The following CIB1 variants were observed in gnomAD, a reference collection of about 807,000 sequenced individuals.
The protein encoded by CIB1 is calcium and integrin-binding protein 1.
In CIB1, 19 loss-of-function variants were observed where a neutral mutation model predicts 25.0. The observed-to-expected ratio is 0.76, with a 90% CI of 0.53 to 1.12. CIB1 has a LOEUF of 1.12. Among genes scored for constraint, CIB1 ranks in the 50% most tolerant of loss-of-function variants. The probability of loss-of-function intolerance (pLI) is 0.00; values close to 1 mark genes in which losing one functional copy is unlikely to be tolerated. For missense variants in CIB1, 236 were observed against 242.6 expected, an observed-to-expected ratio of 0.97 and a Z score of 0.18; for synonymous variants, 104 against 98.5, an observed-to-expected ratio of 1.06 and a Z score of -0.33.
the CIB1 span, chr15:90,256,127 C>T: frequency 6.2e-7 from 1 of 1,612,836 alleles, no homozygotes; most frequent in Non-Finnish European, 8.5e-7. Flanking sequence ...TGACCAGGCC[C>T]TCTCTGCACA....
the CIB1 span, chr15:90,255,672 C>T: frequency 1.9e-6 from 3 of 1,589,934 alleles, no homozygotes; most frequent in South Asian, 1.1e-5. Context: ...CCTTCCCAAT[C>T]CTCCTCCACT....
the CIB1 span, chr15:90,250,713 G>A: frequency 6.2e-7 from 1 of 1,614,100 alleles, no homozygotes; most frequent in Non-Finnish European, 8.5e-7. Flanking sequence ...GTTAAAGAGG[G>A]AGTTACCAAC....
the CIB1 span, chr15:90,253,327 C>T: frequency 6.2e-7 from 1 of 1,613,520 alleles, no homozygotes. Context: ...ACAGACTGCG[C>T]TGTCTCACTG....
the CIB1 span, chr15:90,257,573 T>C: frequency 5.4e-6 from 8 of 1,475,892 alleles, no homozygotes; most frequent in East Asian, 2.3e-5. Flanking sequence ...AACAAGGTAA[T>C]GAAGGGCTGG....
chr15:90,242,207 C>G, the CIB1 span: 35 of 636,124 alleles, frequency 5.5e-5, no homozygotes, highest in South Asian at 6.8e-4. Context: ...CCCACCTCAG[C>G]CTCTTGAGTA....
At chr15:90,241,635 C>A in the CIB1 span, 1 of 1,614,182 alleles carries the variant, frequency 6.2e-7, no homozygotes, top group Non-Finnish European at 8.5e-7. Flanking sequence ...CCCTGGAGGC[C>A]ATTTGCATCT....
At chr15:90,245,239 GGCTGAAGCAGGCA>G in the CIB1 span, 1 of 152,246 alleles carries the variant, frequency 6.6e-6, no homozygotes, top group African/African-American at 2.4e-5. Flanking sequence ...CACTTTGGGA[GGCTGAAGCAGGCA>G]GATCACAAGG....
At chr15:90,257,043 A>C in the CIB1 span, 1 of 1,204,134 alleles carries the variant, frequency 8.3e-7, no homozygotes, top group Admixed American at 2.5e-5. Context: ...GTTATTGTGG[A>C]AATTCAATTA....
rs1034081676 is a variant in CIB1 at position 90,232,441 on chromosome 15, C to A, written c.87-114G>T. On this transcript the variant is annotated intron_variant, in intron 2 of 6. Coordinates refer to ENST00000328649, the MANE Select transcript of CIB1 (RefSeq NM_006384.4). Reference sequence around the variant, plus strand: ...CCAGGTGAGGAGCTAAAACCACGTACACAGAACTTCCGAGTCATCAGGCAA... The same window carrying A: ...CCAGGTGAGGAGCTAAAACCACGTAAACAGAACTTCCGAGTCATCAGGCAA... 1.4e-6 allele frequency: 2 copies of A among 1,435,342 alleles called. No homozygotes were observed. The highest frequency in any genetic ancestry group is 5.7e-5 in the Admixed American group (2 of 35,362). The allele number at this position is 1,435,342 out of a possible 1,614,324, so 88.9% of individuals were successfully genotyped here.
chr15:90,251,723 T>C, the CIB1 span: 2 of 918,776 alleles, frequency 2.2e-6, no homozygotes, highest in East Asian at 2.5e-5. Context: ...CTCTAACCTG[T>C]ACTGAGCTTC....
At chr15:90,251,336 G>A in the CIB1 span, among the ~76,000 whole-genome samples, 1 of 139,114 alleles carries the variant, frequency 7.2e-6, no homozygotes. Flanking sequence ...GTGTTAGCCA[G>A]GATGGTCTCT....
chr15:90,263,180 G>A, the CIB1 span: 1 of 1,488,620 alleles, frequency 6.7e-7, no homozygotes, highest in Admixed American at 2.4e-5. Flanking sequence ...AGAGGAAAAG[G>A]GAACAAGGGC....
intron 6 of CIB1, 71 bp from the exon 7 acceptor site, chr15:90,230,576 T>G: frequency 6.7e-7 from 1 of 1,492,768 alleles, no homozygotes; most frequent in Non-Finnish European, 9.1e-7. Flanking sequence ...ACTTGCCCCC[T>G]TCTCCCTTTA....
chr15:90,251,547 A>C, the CIB1 span: 19 of 1,613,648 alleles, frequency 1.2e-5, no homozygotes, highest in Admixed American at 3.2e-4. Flanking sequence ...CTATTCCTCC[A>C]TTCCAGATCA....
chr15:90,230,608 A>G (rs897170963), intron 6 of CIB1, 103 bp from the exon 7 acceptor site: 39 of 1,254,764 alleles, frequency 3.1e-5, no homozygotes, highest in Non-Finnish European at 4.4e-5. Context: ...GGAACGGGCT[A>G]TGTTCCGTGT....
upstream of CIB1, chr15:90,234,149 G>A: frequency 4.3e-6 from 1 of 232,048 alleles, no homozygotes; most frequent in Non-Finnish European, 7.8e-6. Context: ...GGGACTCACG[G>A]CCCCGCCTCC....
chr15:90,247,064 G>A, the CIB1 span, among the ~76,000 whole-genome samples: 8 of 150,670 alleles, frequency 5.3e-5, no homozygotes, highest in South Asian at 2.1e-4. Context: ...CAACCTCTGC[G>A]TCCTGGATTC....
rs377200278 is a variant in CIB1, at chr15:90,231,081, G to C, written c.465+14C>G. 5 of 1,613,366 alleles carry C rather than the reference G, an allele frequency of 3.1e-6. No homozygotes were observed. Among genetic ancestry groups the C allele is most frequent in the Non-Finnish European group, 4.2e-6 (5 of 1,179,392 alleles). Reference sequence around the variant, plus strand: ...ACTGCTCCCTCCCGCTCCCAGGCCTGCTCAGCTGCTCACGTTGTCGATGAG... The same window carrying C: ...ACTGCTCCCTCCCGCTCCCAGGCCTCCTCAGCTGCTCACGTTGTCGATGAG... On this transcript the variant is annotated intron_variant, in intron 5 of 6. Coordinates refer to ENST00000328649, the MANE Select transcript of CIB1 (RefSeq NM_006384.4).
At chr15:90,238,380 C>T (rs1962679702), upstream of CIB1, 1 of 152,212 alleles carries the variant, frequency 6.6e-6, no homozygotes, top group African/African-American at 2.4e-5. Context: ...CGGCAAATCT[C>T]CAGGACGTTT....
Sources: allele counts gnomAD v4.1 joint callset (sites outside exome capture counted in the v4.1 genomes callset), GRCh38; gene constraint gnomAD v4.1.1; transcripts MANE v1.5; gene names NCBI Gene and HGNC (gene_info 2026-07-23, HGNC 2026-07-21).